NCOA1: variants seen among roughly 807,000 people sequenced by gnomAD.
NCOA1 encodes the protein nuclear receptor coactivator 1.
In NCOA1, 35 loss-of-function variants were observed where a neutral mutation model predicts 150.9. That is an observed-to-expected ratio of 0.23 (90% CI 0.18 to 0.31). NCOA1 has a LOEUF of 0.31. NCOA1 is among the 10% of genes least tolerant of loss of function. The probability of loss-of-function intolerance (pLI) is 1.00; values close to 1 mark genes in which losing one functional copy is unlikely to be tolerated. For synonymous variants in NCOA1, 590 were observed against 630.0 expected, an observed-to-expected ratio of 0.94 and a Z score of 0.95; for missense variants, 1,491 against 1,749.3, an observed-to-expected ratio of 0.85 and a Z score of 2.63.
At chr2:24,720,421 G>A (rs1674297999) in intron 14 of NCOA1, among the ~76,000 whole-genome samples, 1 of 152,200 alleles carries the variant, frequency 6.6e-6, no homozygotes, top group Non-Finnish European at 1.5e-5. Flanking sequence ...AGTCTGTATT[G>A]AGGCAAACAG....
At chr2:24,759,930 A>G (rs1304815866) in intron 21 of NCOA1, among the ~76,000 whole-genome samples, 1 of 151,524 alleles carries the variant, frequency 6.6e-6, no homozygotes, top group Non-Finnish European at 1.5e-5. Flanking sequence ...TCTTTAGTCA[A>G]TTATAAATTA....
At chr2:24,762,541 T>G (rs1664839984) in intron 21 of NCOA1, 146 bp from the exon 22 acceptor site, 1 of 695,298 alleles carries the variant, frequency 1.4e-6, no homozygotes, top group East Asian at 2.8e-5. Context: ...CTATCCTGAC[T>G]TGTAACAACA....
At chr2:24,660,048 CTATT>C (rs1035483399) in intron 5 of NCOA1, among the ~76,000 whole-genome samples, 4 of 152,084 alleles carry the variant, frequency 2.6e-5, no homozygotes, top group African/African-American at 4.8e-5. Context: ...AGAAAAGTGA[CTATT>C]TATCTTACTC....
intron 3 of NCOA1, among the ~76,000 whole-genome samples, chr2:24,619,973 G>A (rs1669051523): frequency 6.6e-6 from 1 of 151,864 alleles, no homozygotes; most frequent in African/African-American, 2.4e-5. Flanking sequence ...TTCTTTAACT[G>A]GCCACATCCT....
At chr2:24,682,870 C>G in intron 7 of NCOA1, 81 bp from the exon 8 acceptor site, 1 of 1,291,118 alleles carries the variant, frequency 7.7e-7, no homozygotes, top group East Asian at 2.7e-5. Flanking sequence ...TTTCTGATCT[C>G]TTTTTTAATA....
chr2:24,729,712 C>T lies in NCOA1; in HGVS notation c.3098C>T (p.Ser1033Leu). The change falls in exon 17 of 23, where the codon TCA (serine) becomes TTA (leucine). Residue 1033 changes from serine (S) to leucine (L), a missense_variant. By Grantham distance (145) the Ser-to-Leu change is moderately radical. Coordinates refer to ENST00000348332, the MANE Select transcript of NCOA1 (RefSeq NM_003743.5). Reference sequence around the variant, plus strand: ...GTAACACCTCCCCGAGGTGCTTTTTCACCTGGCATGGGCATGCAGCCCAGG... The same window carrying T: ...GTAACACCTCCCCGAGGTGCTTTTTTACCTGGCATGGGCATGCAGCCCAGG... ...VQVTPPRGAFSPGMGMQPRQT... is the reference protein window; with the variant it reads ...VQVTPPRGAFLPGMGMQPRQT... The T allele has an allele frequency of 6.2e-7, 1 of 1,614,240 alleles. No individual in the cohort carries two copies. The highest frequency in any genetic ancestry group is 8.5e-7 in the Non-Finnish European group (1 of 1,180,044).
chr2:24,530,724 A>G lies in NCOA1; in HGVS notation c.-395-33571A>G, dbSNP rs1033639882. ...CCACATAACACTTAGACTTAGGTGT[A>G]TAAGACCTTTGCAAATCTCTTCAGT... On this transcript the variant is annotated intron_variant, in intron 1 of 22. Coordinates refer to ENST00000348332, the MANE Select transcript of NCOA1 (RefSeq NM_003743.5). Among the ~76,000 whole-genome samples, 3 of 152,254 alleles carry G rather than the reference A, an allele frequency of 2.0e-5. No individual in the cohort carries two copies. The East Asian group carries it at 5.8e-4, about 29-fold the overall frequency.
chr2:24,540,168 T>A (rs1176350673), intron 1 of NCOA1, among the ~76,000 whole-genome samples: 1 of 152,132 alleles, frequency 6.6e-6, no homozygotes, highest in Non-Finnish European at 1.5e-5. Flanking sequence ...ATCTCTTAAA[T>A]GTTTCAGGAA....
At chr2:24,498,263 A>G (rs1663308893) in intron 1 of NCOA1, among the ~76,000 whole-genome samples, 2 of 152,232 alleles carry the variant, frequency 1.3e-5, no homozygotes, top group African/African-American at 2.4e-5. Flanking sequence ...GTCAAGACGT[A>G]GTTATATGAG....
chr2:24,493,945 A>G (rs184352531), intron 1 of NCOA1, among the ~76,000 whole-genome samples: 1 of 152,348 alleles, frequency 6.6e-6, no homozygotes, highest in Non-Finnish European at 1.5e-5. Flanking sequence ...TTTGGTGGGC[A>G]GAAGATTGGG....
intron 1 of NCOA1, among the ~76,000 whole-genome samples, chr2:24,495,092 GT>G (rs200403397): frequency 4.8e-5 from 5 of 103,648 alleles, no homozygotes; most frequent in Admixed American, 9.7e-5. Context: ...AGATGAAGGT[GT>G]TTTTTTTTTG....
chr2:24,639,349 C>T lies in NCOA1; in HGVS notation c.-174-4617C>T, dbSNP rs569953761. On this transcript the variant is annotated intron_variant, in intron 3 of 22. Transcript: ENST00000348332. The stretch of plus-strand genomic sequence containing the variant: ...TCAGTTACTGAATTGATTTTTATTA[C>T]GTTGTTCAGAACACTATATTTGTAT... Among the ~76,000 whole-genome samples, 25 of 152,020 alleles carry T rather than the reference C, an allele frequency of 1.6e-4. No individual in the cohort carries two copies. In the South Asian group the frequency reaches 5.0e-3, roughly 30 times the overall value.
At chr2:24,631,076 T>C (rs1669688462) in intron 3 of NCOA1, among the ~76,000 whole-genome samples, 1 of 152,170 alleles carries the variant, frequency 6.6e-6, no homozygotes, top group Non-Finnish European at 1.5e-5. Context: ...TATTAAAATC[T>C]TGCATTTTTT....
Position 24,716,076 on chromosome 2 carries a change from G to A in NCOA1, c.2599+4965G>A, listed in dbSNP as rs542254702. Among the ~76,000 whole-genome samples the A allele has an allele frequency of 5.3e-5, 8 of 150,920 alleles. No individual in the cohort carries two copies. The East Asian group carries it at 1.2e-3, about 22-fold the overall frequency. On this transcript the variant is annotated intron_variant, in intron 14 of 22. Coordinates refer to ENST00000348332, the MANE Select transcript of NCOA1 (RefSeq NM_003743.5). ...GGAGAATGGTGTGAACCCAGGAGGC[G>A]GAGATTGCAGTGAGCCGAGATTGCG...
intron 2 of NCOA1, among the ~76,000 whole-genome samples, chr2:24,579,667 A>G (rs950670107): frequency 6.6e-6 from 1 of 152,330 alleles, no homozygotes; most frequent in South Asian, 2.1e-4. Context: ...TAAGCAGGAA[A>G]GTTGAGCAGA....
At chr2:24,564,213 C>T (rs1455518365) in intron 1 of NCOA1, 82 bp from the exon 2 acceptor site, 5 of 152,152 alleles carry the variant, frequency 3.3e-5, no homozygotes, top group South Asian at 2.1e-4. Flanking sequence ...TCTTTGTATG[C>T]TTACAAACAG....
At chr2:24,704,642 G>A (rs527520946) in intron 11 of NCOA1, among the ~76,000 whole-genome samples, 70 of 152,054 alleles carry the variant, frequency 4.6e-4, no homozygotes, top group Non-Finnish European at 8.4e-4. Context: ...CCATGGTGGT[G>A]GGTGCCTGTA....
intron 1 of NCOA1, chr2:24,554,565 G>T (rs1665992413): frequency 6.6e-6 from 1 of 152,184 alleles, no homozygotes; most frequent in Admixed American, 6.5e-5. Context: ...TGGGCAGTTG[G>T]ATGCTGAGGT....
chr2:24,564,886 C>G (rs575120745), intron 2 of NCOA1: 67 of 152,232 alleles, frequency 4.4e-4, no homozygotes, highest in African/African-American at 1.6e-3. Flanking sequence ...TACATTATGA[C>G]CCCTGAGAAA....
Sources: gnomAD v4.1 joint callset for allele counts (sites outside exome capture counted in the v4.1 genomes callset) on GRCh38, gnomAD v4.1.1 for gene constraint, MANE v1.5 for transcripts, NCBI Gene and HGNC (gene_info 2026-07-23, HGNC 2026-07-21) for gene names.